The following ENTPD1 variants were observed in gnomAD, a reference collection of about 807,000 sequenced individuals.
ENTPD1 encodes the protein ATP diphosphohydrolase.
ENTPD1 carries 33 observed loss-of-function variants against 57.0 expected under a neutral mutation model. The observed-to-expected ratio is 0.58, with a 90% CI of 0.44 to 0.77. ENTPD1 has a LOEUF of 0.77. Ranked by LOEUF, ENTPD1 falls within the 30% of genes least tolerant of loss-of-function variation. The pLI is 0.00. For synonymous variants in ENTPD1, 202 were observed against 218.8 expected (o/e 0.92, Z 0.68); for missense variants, 501 against 603.4 (o/e 0.83, Z 1.78).
At position 95,869,033 on chromosome 10, in the gene ENTPD1, A is replaced by C; in HGVS notation, c.*2650A>C. 1 of 985,338 alleles carries C rather than the reference A, an allele frequency of 1.0e-6. No individual in the cohort carries two copies. The highest frequency in any genetic ancestry group is 1.2e-6 in the Non-Finnish European group (1 of 829,940). 61.0% of individuals were successfully genotyped at this position (985,338 alleles called of 1,614,324 possible). ...CACTCTGGGTGGGGTAGGTGAAATAAGATTGGTCACTGTTAACTAATTTTA... is the reference window on the plus strand; with the variant it reads ...CACTCTGGGTGGGGTAGGTGAAATACGATTGGTCACTGTTAACTAATTTTA... On this transcript the variant is annotated 3_prime_UTR_variant, in exon 10 of 10. Coordinates refer to ENST00000371205, the MANE Select transcript of ENTPD1 (RefSeq NM_001776.6).
At chr10:95,862,051 A>G (rs770276852) in intron 8 of ENTPD1, among the ~76,000 whole-genome samples, 57 of 152,108 alleles carry the variant, frequency 3.7e-4, no homozygotes, top group Non-Finnish European at 4.6e-4. Flanking sequence ...TCCACATCTC[A>G]TGTTTTACTT....
Position 95,874,419 on chromosome 10 carries a change from A to G in ENTPD1, c.*8036A>G, listed in dbSNP as rs1388024967. On this transcript the variant is annotated 3_prime_UTR_variant, in exon 10 of 10. Coordinates refer to ENST00000371205, the MANE Select transcript of ENTPD1 (RefSeq NM_001776.6). The stretch of plus-strand genomic sequence containing the variant: ...CATTCAGGTCATGCTGATGCAAGAG[A>G]TAGGTTCCCATGGTCTTGTGCAGCT... Among the ~76,000 whole-genome samples the G allele has an allele frequency of 1.3e-5, 2 of 152,194 alleles. No individual in the cohort carries two copies. Among genetic ancestry groups the G allele is most frequent in the Non-Finnish European group, 2.9e-5 (2 of 68,030 alleles).
At chr10:95,843,838 C>G (rs1256142243) in intron 4 of ENTPD1, among the ~76,000 whole-genome samples, 1 of 152,196 alleles carries the variant, frequency 6.6e-6, no homozygotes, top group Non-Finnish European at 1.5e-5. Flanking sequence ...CTCAGAGACT[C>G]CCAGTGTTGG....
chr10:95,714,617 A>G (rs1395571994), intron 1 of ENTPD1, among the ~76,000 whole-genome samples: 1 of 152,330 alleles, frequency 6.6e-6, no homozygotes, highest in Admixed American at 6.5e-5. Flanking sequence ...ACTTTATGAT[A>G]TTATGTATTA....
chr10:95,748,933 C>T (rs974539973), intron 1 of ENTPD1, among the ~76,000 whole-genome samples: 10 of 152,068 alleles, frequency 6.6e-5, no homozygotes, highest in Admixed American at 5.2e-4. Context: ...TTATCCGTGC[C>T]CTCTTTTCCC....
chr10:95,777,515 C>T (rs2098138525), intron 1 of ENTPD1, among the ~76,000 whole-genome samples: 1 of 152,194 alleles, frequency 6.6e-6, no homozygotes, highest in Non-Finnish European at 1.5e-5. Flanking sequence ...CCTGATCCTT[C>T]CTCTGGAAGC....
chr10:95,770,252 A>AGTGTGTGT (rs1286103838), intron 1 of ENTPD1, among the ~76,000 whole-genome samples: 21 of 115,342 alleles, frequency 1.8e-4, no homozygotes, highest in Admixed American at 5.6e-4. Flanking sequence ...AGAGTGAGTG[A>AGTGTGTGT]GTGAGTGTGT....
chr10:95,864,674 A>G, intron 8 of ENTPD1, 50 bp from the exon 9 acceptor site: 1 of 1,612,900 alleles, frequency 6.2e-7, no homozygotes, highest in Non-Finnish European at 8.5e-7. Context: ...AGAGGGCCAC[A>G]GAGAGGTGCC....
intron 1 of ENTPD1, among the ~76,000 whole-genome samples, chr10:95,797,134 G>A (rs778753988): frequency 2.3e-4 from 35 of 152,032 alleles, no homozygotes; most frequent in Non-Finnish European, 4.4e-5. Context: ...TTTAGTGGGT[G>A]GAATCAACAA....
chr10:95,829,767 C>T (rs2098390500), intron 2 of ENTPD1, among the ~76,000 whole-genome samples: 1 of 152,034 alleles, frequency 6.6e-6, no homozygotes, highest in Non-Finnish European at 1.5e-5. Context: ...AATGTTTGAT[C>T]CCTCCAAAAC....
intron 1 of ENTPD1, among the ~76,000 whole-genome samples, chr10:95,734,775 G>A (rs767677631): frequency 1.3e-5 from 2 of 152,142 alleles, no homozygotes; most frequent in African/African-American, 4.8e-5. Flanking sequence ...CCCATCCTCC[G>A]GATTATAGAG....
rs11188514 is a variant in ENTPD1, at chr10:95,876,145, T to C, written c.*9762T>C. 22,339 of 985,318 alleles carry C rather than the reference T, an allele frequency of 0.023. 286 individuals are homozygous for C. The highest frequency in any genetic ancestry group is 0.025 in the Non-Finnish European group (20,938 of 829,822). The allele number at this position is 985,318 out of a possible 1,614,324, so 61.0% of individuals were successfully genotyped here. On this transcript the variant is annotated 3_prime_UTR_variant, in exon 10 of 10. Transcript: ENST00000371205. ...AGAGCCTCAATAAACAGATTCCCAGTTTTGAAAATGCAACATTTGTACTCC... is the reference window on the plus strand; with the variant it reads ...AGAGCCTCAATAAACAGATTCCCAGCTTTGAAAATGCAACATTTGTACTCC...
upstream of ENTPD1, chr10:95,753,652 C>T (rs1408153390): frequency 1.3e-5 from 2 of 152,306 alleles, no homozygotes; most frequent in South Asian, 4.1e-4. Flanking sequence ...TTGTCGACAA[C>T]GTCTGATACA....
intron 1 of ENTPD1, among the ~76,000 whole-genome samples, chr10:95,762,592 A>G (rs1230454109): frequency 1.3e-5 from 2 of 152,186 alleles, no homozygotes; most frequent in East Asian, 1.9e-4. Context: ...TTATAGTCAC[A>G]TAGTTTATTT....
intron 3 of ENTPD1, 34 bp downstream of exon 3, chr10:95,839,842 A>C (rs2098418792): frequency 1.2e-6 from 2 of 1,603,732 alleles, no homozygotes; most frequent in African/African-American, 2.7e-5. Flanking sequence ...GGAGGCCAAC[A>C]GTGGGGCATG....
At chr10:95,774,825 G>A (rs1217827726) in intron 1 of ENTPD1, among the ~76,000 whole-genome samples, 1 of 152,106 alleles carries the variant, frequency 6.6e-6, no homozygotes, top group Non-Finnish European at 1.5e-5. Context: ...CTCTTTTTTG[G>A]TTCCATAGGA....
In ENTPD1 at chr10:95,847,590, G is replaced by A. The variant is rs1192656926; in HGVS notation, c.958G>A (p.Gly320Arg). 1 of 1,614,130 alleles carries A rather than the reference G, an allele frequency of 6.2e-7. No homozygotes were observed. The highest frequency in any genetic ancestry group is 1.7e-5 in the Admixed American group (1 of 60,024). ...CCAGCAGTTTGAAATCCAGGGTATT[G>A]GAAACTATCAACAATGCCATCAAAG... ...PFQQFEIQGI[G>R]NYQQCHQSIL... Residue 320 changes from glycine to arginine, a missense_variant, in exon 7 of 10, where the codon GGA (glycine) becomes AGA (arginine). Gly to Arg is a moderately radical substitution (Grantham distance 125, BLOSUM62 -2). Transcript: ENST00000371205.
At chr10:95,732,740 G>T (rs556629631) in intron 1 of ENTPD1, among the ~76,000 whole-genome samples, 2 of 152,170 alleles carry the variant, frequency 1.3e-5, no homozygotes, top group Non-Finnish European at 2.9e-5. Flanking sequence ...GGGTATCCAC[G>T]GGAGACACAC....
chr10:95,819,510 C>T (rs1217136060), intron 1 of ENTPD1, among the ~76,000 whole-genome samples: 2 of 152,126 alleles, frequency 1.3e-5, no homozygotes, highest in African/African-American at 4.8e-5. Context: ...TATAACTGGA[C>T]ATCATGATGG....
Sources: gnomAD v4.1 joint callset for allele counts (sites outside exome capture counted in the v4.1 genomes callset) on GRCh38, gnomAD v4.1.1 for gene constraint, MANE v1.5 for transcripts, NCBI Gene and HGNC (gene_info 2026-07-23, HGNC 2026-07-21) for gene names.